ARHGAP20: variants seen among roughly 807,000 people sequenced by gnomAD.
ARHGAP20 encodes Rho GTPase activating protein 20, also known as rho GTPase-activating protein 20.
A neutral mutation model predicts 73.7 loss-of-function variants in ARHGAP20; 34 were observed. The observed-to-expected ratio is 0.46, with a 90% CI of 0.35 to 0.61. ARHGAP20 has a LOEUF of 0.61. Ranked by LOEUF, ARHGAP20 falls within the 20% of genes least tolerant of loss-of-function variation. The pLI is 0.00. For synonymous variants in ARHGAP20, 523 were observed against 518.2 expected, an observed-to-expected ratio of 1.01 and a Z score of -0.13; for missense variants, 1,314 against 1,420.9, an observed-to-expected ratio of 0.92 and a Z score of 1.21.
chr11:110,595,049 A>T (rs906402000), intron 9 of ARHGAP20, among the ~76,000 whole-genome samples: 6 of 151,580 alleles, frequency 4.0e-5, no homozygotes, highest in Non-Finnish European at 5.9e-5. Context: ...AAACCACATG[A>T]TTATCTCAAT....
intron 2 of ARHGAP20, among the ~76,000 whole-genome samples, chr11:110,639,444 T>C (rs566777795): frequency 6.8e-4 from 104 of 152,050 alleles, no homozygotes; most frequent in African/African-American, 2.4e-3. Flanking sequence ...TATCCCATTG[T>C]TACCATTTAA....
chr11:110,626,478 C>G (rs911514160), intron 3 of ARHGAP20, among the ~76,000 whole-genome samples: 6 of 152,184 alleles, frequency 3.9e-5, no homozygotes, highest in African/African-American at 1.2e-4. Context: ...ACTTTACACA[C>G]ATTATTTAGT....
chr11:110,588,090 A>G (rs1947718709), intron 11 of ARHGAP20, among the ~76,000 whole-genome samples: 2 of 152,178 alleles, frequency 1.3e-5, no homozygotes, highest in East Asian at 1.9e-4. Context: ...TCTTAAACCT[A>G]CACTTGAAAG....
At chr11:110,587,449 A>G (rs1194321438) in intron 11 of ARHGAP20, among the ~76,000 whole-genome samples, 18 of 152,250 alleles carry the variant, frequency 1.2e-4, no homozygotes, top group Admixed American at 1.2e-3. Flanking sequence ...ATTGAAGGCA[A>G]CACACAACTT....
chr11:110,705,386 A>T (rs1391447384), intron 1 of ARHGAP20, among the ~76,000 whole-genome samples: 1 of 152,154 alleles, frequency 6.6e-6, no homozygotes, highest in Non-Finnish European at 1.5e-5. Context: ...AAATTGCTTC[A>T]TGACAATCTT....
Position 110,577,613 on chromosome 11 carries a change from A to G in ARHGAP20, c.*1757T>C. The G allele has an allele frequency of 2.0e-6, 2 of 986,352 alleles. No homozygotes were observed. Among genetic ancestry groups the G allele is most frequent in the Non-Finnish European group, 2.4e-6 (2 of 830,270 alleles). 61.1% of individuals were successfully genotyped at this position (986,352 alleles called of 1,614,324 possible). A position where few individuals can be genotyped will look rare whatever the true frequency, so the allele number is the denominator to read the frequency against. ...CTGACTTTATATATTATACCAAAAA[A>G]GATGCATATGGACACTTAGAAGTCT... On this transcript the variant is annotated 3_prime_UTR_variant, in exon 15 of 15. Coordinates refer to ENST00000683387, the MANE Select transcript of ARHGAP20 (RefSeq NM_001384657.1).
intron 11 of ARHGAP20, among the ~76,000 whole-genome samples, chr11:110,589,266 G>C (rs1341738791): frequency 6.6e-6 from 1 of 152,088 alleles, no homozygotes; most frequent in African/African-American, 2.4e-5. Context: ...TAAACCCTGT[G>C]CAAAACAGAT....
chr11:110,611,708 T>G (rs1002946409), intron 6 of ARHGAP20, among the ~76,000 whole-genome samples: 1 of 152,130 alleles, frequency 6.6e-6, no homozygotes, highest in Non-Finnish European at 1.5e-5. Flanking sequence ...ATCAGTGAGG[T>G]TGGTCCTCTG....
At chr11:110,683,955 C>T (rs535488836) in intron 2 of ARHGAP20, among the ~76,000 whole-genome samples, 17 of 152,234 alleles carry the variant, frequency 1.1e-4, no homozygotes, top group African/African-American at 3.1e-4. Flanking sequence ...AAAAGAAGTA[C>T]AAGGGAGCTG....
chr11:110,591,868 A>C, intron 10 of ARHGAP20, 109 bp downstream of exon 10: 1 of 1,159,674 alleles, frequency 8.6e-7, no homozygotes, highest in Admixed American at 2.2e-5. Flanking sequence ...ATTCTTAGCC[A>C]AAGACAGTGG....
At chr11:110,612,237 T>G (rs1166116348) in intron 6 of ARHGAP20, among the ~76,000 whole-genome samples, 3 of 150,272 alleles carry the variant, frequency 2.0e-5, no homozygotes, top group Non-Finnish European at 4.4e-5. Flanking sequence ...GCTGACATGG[T>G]GAAACCCCGT....
rs1005785515 is a variant in ARHGAP20 at position 110,584,918 on chromosome 11, A to AAT, written c.1416-1183_1416-1182dup. 6.0e-5 allele frequency among the ~76,000 whole-genome samples: 9 copies of AAT among 148,926 alleles called. No individual in the cohort carries two copies. The South Asian group carries it at 6.3e-4, about 10-fold the overall frequency. On this transcript the variant is annotated intron_variant, in intron 12 of 14. Coordinates refer to ENST00000683387, the MANE Select transcript of ARHGAP20 (RefSeq NM_001384657.1). ...ATGAATATATGTGAATATATATATG[A>AAT]ATATATATGTGAATATATGTGTATA...
intron 2 of ARHGAP20, 51 bp from the exon 3 acceptor site, chr11:110,630,843 G>T (rs1948845867): frequency 6.4e-7 from 1 of 1,555,550 alleles, no homozygotes; most frequent in Admixed American, 2.0e-5. Flanking sequence ...CTTATAGTTG[G>T]TCAAGAACTA....
In ARHGAP20 at chr11:110,582,365, A is replaced by C; in HGVS notation, c.1676T>G (p.Phe559Cys). The change falls in exon 14 of 15, where the codon TTC becomes TGC. Residue 559 changes from phenylalanine (F) to cysteine (C), a missense_variant. By Grantham distance (205) the Phe-to-Cys change is radical (BLOSUM62 -2). Around this residue, in one of 3 missense-constraint regions of ARHGAP20, gnomAD observed 230 missense variants for 317.6 expected, o/e 0.72. Transcript: ENST00000683387. ...GTCACATCTCACTGAAACCTCTCTGAAGAGGGAAGTGATTTCTTCTCCAAA... is the reference window on the plus strand; with the variant it reads ...GTCACATCTCACTGAAACCTCTCTGCAGAGGGAAGTGATTTCTTCTCCAAA... ...RIFGEEITSL[F>C]REVSVRCDTR... The C allele has an allele frequency of 6.2e-7, 1 of 1,613,942 alleles. No homozygotes were observed. Among genetic ancestry groups the C allele is most frequent in the Non-Finnish European group, 8.5e-7 (1 of 1,179,788 alleles).
chr11:110,580,896 T>C lies in ARHGAP20; in HGVS notation c.2050A>G (p.Ser684Gly). ...ARAPSAMCTP[S>G]YLSTAAANAA... is the part of the protein sequence containing the mutation. ...TTTGCTGCAGCTGTGGACAGGTAGC[T>C]GGGTGTGCACATGGCAGATGGGGCC... Residue 684 changes from serine (S) to glycine (G), a missense_variant, in exon 15 of 15, where the codon AGC becomes GGC. Ser to Gly is a moderately conservative substitution (Grantham distance 56). Coordinates refer to ENST00000683387, the MANE Select transcript of ARHGAP20 (RefSeq NM_001384657.1). 6.2e-7 allele frequency: 1 copy of C among 1,613,068 alleles called. No individual in the cohort carries two copies. Among genetic ancestry groups the C allele is most frequent in the Non-Finnish European group, 8.5e-7 (1 of 1,179,026 alleles).
chr11:110,663,382 C>T (rs1170887613), intron 2 of ARHGAP20, among the ~76,000 whole-genome samples: 2 of 149,852 alleles, frequency 1.3e-5, no homozygotes, highest in Non-Finnish European at 3.0e-5. Context: ...GACATTAATA[C>T]TATAATTACT....
At chr11:110,660,064 A>AAAAAAAAAACAAAAAAAAAAAAAAC (rs1555097582) in intron 2 of ARHGAP20, among the ~76,000 whole-genome samples, 1 of 128,826 alleles carries the variant, frequency 7.8e-6, no homozygotes, top group African/African-American at 3.6e-5. Flanking sequence ...TAAAAAACAA[A>AAAAAAAAAACAAAAAAAAAAAAAAC]AAAAAAAAAA....
intron 10 of ARHGAP20, among the ~76,000 whole-genome samples, 163 bp from the exon 11 acceptor site, chr11:110,590,972 A>G (rs1288523055): frequency 3.9e-5 from 6 of 152,008 alleles, no homozygotes; most frequent in African/African-American, 1.5e-4. Flanking sequence ...ACCTTTTTGG[A>G]GAGTGGAAGG....
chr11:110,701,184 G>A lies in ARHGAP20; in HGVS notation c.106-10555C>T, dbSNP rs11213544. Among the ~76,000 whole-genome samples the A allele has an allele frequency of 1.6e-3, 246 of 151,536 alleles. 8 individuals are homozygous for A. The highest frequency in any genetic ancestry group is 5.6e-3 in the African/African-American group (227 of 40,838). ...CGCCACACTGACTTCCACAATGGTTGAACTAGTTTACAGTCCAACAGTGTA... is the reference window on the plus strand; with the variant it reads ...CGCCACACTGACTTCCACAATGGTTAAACTAGTTTACAGTCCAACAGTGTA... On this transcript the variant is annotated intron_variant, in intron 1 of 14. Transcript: ENST00000683387.
Sources: allele counts gnomAD v4.1 joint callset (sites outside exome capture counted in the v4.1 genomes callset), GRCh38; gene constraint gnomAD v4.1.1; regional missense constraint gnomAD v4.1.1; transcripts MANE v1.5; gene names NCBI Gene and HGNC (gene_info 2026-07-23, HGNC 2026-07-21).